PDE1C: variants seen among roughly 807,000 people sequenced by gnomAD.
PDE1C encodes dual specificity calcium/calmodulin-dependent 3',5'-cyclic nucleotide phosphodiesterase 1C.
In PDE1C, 62 loss-of-function variants were observed where a neutral mutation model predicts 93.1. The ratio of observed to expected loss-of-function variants is 0.67; its 90% CI spans 0.54 to 0.82. PDE1C has a LOEUF of 0.82. Among genes scored for constraint, PDE1C ranks in the 40% least tolerant of loss-of-function variants. The pLI, the probability that PDE1C is intolerant of heterozygous loss-of-function variation, is 0.00. For missense variants in PDE1C, 742 were observed against 884.6 expected (o/e 0.84, Z 2.04); for synonymous variants, 325 against 310.1 (o/e 1.05, Z -0.50).
At chr7:32,258,231 C>G (rs185138439) in intron 1 of PDE1C, among the ~76,000 whole-genome samples, 2 of 152,320 alleles carry the variant, frequency 1.3e-5, no homozygotes, top group East Asian at 3.9e-4. Context: ...TCCCTAACCT[C>G]TTAGATTATA....
Position 32,083,088 on chromosome 7 carries a change from G to C in PDE1C, c.308+86697C>G, listed in dbSNP as rs575055983. Among the ~76,000 whole-genome samples the C allele has an allele frequency of 3.6e-3, 552 of 151,864 alleles. 3 individuals carry two copies. Among genetic ancestry groups the C allele is most frequent in the African/African-American group, 0.013 (525 of 41,300 alleles). Reference sequence around the variant, plus strand: ...GGAGGAAATTCAAACCAAAGGCAAAGAAGTTAAAAACTTTGAAAAAAATTT... The same window carrying C: ...GGAGGAAATTCAAACCAAAGGCAAACAAGTTAAAAACTTTGAAAAAAATTT... On this transcript the variant is annotated intron_variant, in intron 3 of 18. Transcript: ENST00000396193.
intron 9 of PDE1C, among the ~76,000 whole-genome samples, chr7:31,846,764 A>G (rs1792673814): frequency 6.6e-6 from 1 of 152,172 alleles, no homozygotes; most frequent in Non-Finnish European, 1.5e-5. Context: ...AAAATTGGAT[A>G]GAGGGTTCCT....
At chr7:31,692,088 A>G in the PDE1C span, among the ~76,000 whole-genome samples, 9 of 152,206 alleles carry the variant, frequency 5.9e-5, no homozygotes, top group Admixed American at 5.2e-4. Context: ...CTCTCAGCTA[A>G]TTCACTTCTT....
chr7:31,930,448 C>T (rs956166872), intron 2 of PDE1C, among the ~76,000 whole-genome samples: 1 of 152,108 alleles, frequency 6.6e-6, no homozygotes, highest in Admixed American at 6.5e-5. Flanking sequence ...CTGGCAGAGA[C>T]ACAACAAAAA....
intron 11 of PDE1C, among the ~76,000 whole-genome samples, chr7:31,829,988 C>T (rs907483455): frequency 6.6e-6 from 1 of 152,068 alleles, no homozygotes; most frequent in African/African-American, 2.4e-5. Context: ...CTCTCCATGA[C>T]TATTAAAATA....
chr7:32,000,919 A>T (rs1457346769), intron 2 of PDE1C, among the ~76,000 whole-genome samples: 2 of 152,200 alleles, frequency 1.3e-5, no homozygotes, highest in African/African-American at 4.8e-5. Flanking sequence ...GAAAAGGACT[A>T]CTATTTGCTA....
At chr7:32,064,853 C>A (rs1795195927) in intron 1 of PDE1C, among the ~76,000 whole-genome samples, 1 of 152,046 alleles carries the variant, frequency 6.6e-6, no homozygotes, top group African/African-American at 2.4e-5. Context: ...CACTACCCAG[C>A]CTCTGCCTTC....
chr7:31,966,772 G>A (rs1057436106), intron 2 of PDE1C, among the ~76,000 whole-genome samples: 1 of 152,194 alleles, frequency 6.6e-6, no homozygotes, highest in Non-Finnish European at 1.5e-5. Flanking sequence ...TCAGACCACA[G>A]TGCAATCAAA....
chr7:32,200,271 C>G (rs144236333), intron 2 of PDE1C, among the ~76,000 whole-genome samples: 6 of 152,202 alleles, frequency 3.9e-5, no homozygotes, highest in Non-Finnish European at 8.8e-5. Context: ...CTTGTTTTCT[C>G]CATGAGAATA....
chr7:32,118,278 A>G (rs747773766), intron 3 of PDE1C, among the ~76,000 whole-genome samples: 1 of 152,170 alleles, frequency 6.6e-6, no homozygotes, highest in Non-Finnish European at 1.5e-5. Context: ...AGATAGAGAA[A>G]TATTCACAAT....
At chr7:32,038,622 C>A (rs1791421732) in intron 2 of PDE1C, among the ~76,000 whole-genome samples, 1 of 152,106 alleles carries the variant, frequency 6.6e-6, no homozygotes, top group Non-Finnish European at 1.5e-5. Context: ...ATCTCTCAGA[C>A]CCCAAAATCC....
intron 5 of PDE1C, among the ~76,000 whole-genome samples, chr7:31,876,115 T>A (rs926014594): frequency 6.6e-6 from 1 of 151,264 alleles, no homozygotes; most frequent in Non-Finnish European, 1.5e-5. Flanking sequence ...AACAAAAGAG[T>A]CTATATCTGT....
chr7:32,317,910 A>G (rs894437192), intron 1 of PDE1C, among the ~76,000 whole-genome samples: 5 of 152,110 alleles, frequency 3.3e-5, no homozygotes, highest in African/African-American at 4.8e-5. Context: ...TTTGCCCTTT[A>G]TTCATTTTAA....
chr7:32,401,801 G>A (rs1221379985), intron 1 of PDE1C, among the ~76,000 whole-genome samples: 1 of 152,142 alleles, frequency 6.6e-6, no homozygotes, highest in Non-Finnish European at 1.5e-5. Context: ...CACCTTGAAG[G>A]GGGCAACTCG....
intron 2 of PDE1C, among the ~76,000 whole-genome samples, chr7:31,919,948 A>G (rs1388379280): frequency 6.6e-6 from 1 of 151,802 alleles, no homozygotes; most frequent in Admixed American, 6.6e-5. Context: ...GCTGTGCTGC[A>G]CTCTCCCTGC....
chr7:32,256,645 G>T (rs973043345), intron 1 of PDE1C, among the ~76,000 whole-genome samples: 1 of 152,166 alleles, frequency 6.6e-6, no homozygotes, highest in Non-Finnish European at 1.5e-5. Flanking sequence ...CCCCCACCCT[G>T]CTGTGGGTCT....
intron 16 of PDE1C, chr7:31,790,288 T>C (rs756046081): frequency 1.0e-5 from 16 of 1,587,048 alleles, no homozygotes; most frequent in Admixed American, 1.7e-5. Flanking sequence ...AAAAGAAAAG[T>C]GTCAATGCTG....
chr7:31,728,366 C>A, the PDE1C span, among the ~76,000 whole-genome samples: 3 of 152,162 alleles, frequency 2.0e-5, no homozygotes, highest in Non-Finnish European at 4.4e-5. Context: ...AAGGTGCAAC[C>A]AATCAGTCCC....
At chr7:32,089,873 G>T (rs1250278738) in intron 3 of PDE1C, among the ~76,000 whole-genome samples, 1 of 152,144 alleles carries the variant, frequency 6.6e-6, no homozygotes, top group Non-Finnish European at 1.5e-5. Context: ...TCTTGTTTTT[G>T]CCTCAACAGC....
Sources: gnomAD v4.1 joint callset for allele counts (sites outside exome capture counted in the v4.1 genomes callset) on GRCh38, gnomAD v4.1.1 for gene constraint, MANE v1.5 for transcripts, NCBI Gene and HGNC (gene_info 2026-07-23, HGNC 2026-07-21) for gene names.